The following HDDC2 variants were observed in gnomAD, a reference collection of about 807,000 sequenced individuals.
HDDC2 encodes the protein 5'-deoxynucleotidase HDDC2.
In HDDC2, 25 loss-of-function variants were observed where a neutral mutation model predicts 25.5. The ratio of observed to expected loss-of-function variants is 0.98; its 90% CI spans 0.72 to 1.37. The LOEUF (loss-of-function observed/expected upper bound fraction) is 1.37, where lower values mean the gene tolerates loss of function less well. HDDC2 is among the 40% of genes most tolerant of loss of function. The pLI, the probability that HDDC2 is intolerant of heterozygous loss-of-function variation, is 0.00. For synonymous variants in HDDC2, 106 were observed against 89.7 expected, an observed-to-expected ratio of 1.18 and a Z score of -1.03; for missense variants, 264 against 253.1, an observed-to-expected ratio of 1.04 and a Z score of -0.29.
intron 4 of HDDC2, among the ~76,000 whole-genome samples, chr6:125,280,378 C>T (rs1176163505): frequency 6.6e-6 from 1 of 152,110 alleles, no homozygotes; most frequent in East Asian, 1.9e-4. Flanking sequence ...CCTGGAATAC[C>T]AGCAAGACAC....
intron 4 of HDDC2, chr6:125,278,828 A>T (rs1798412496): frequency 6.6e-6 from 1 of 152,234 alleles, no homozygotes; most frequent in Non-Finnish European, 1.5e-5. Flanking sequence ...AGGATTTAAG[A>T]AATATTAAGG....
At chr6:125,283,742 A>G (rs1798493328) in intron 4 of HDDC2, among the ~76,000 whole-genome samples, 1 of 152,212 alleles carries the variant, frequency 6.6e-6, no homozygotes, top group African/African-American at 2.4e-5. Context: ...ATACTGCCCA[A>G]AGTAATTTAT....
chr6:125,301,061 G>C (rs1798794138), intron 1 of HDDC2, among the ~76,000 whole-genome samples: 1 of 152,104 alleles, frequency 6.6e-6, no homozygotes, highest in African/African-American at 2.4e-5. Context: ...CGAGTGATAG[G>C]CTTCCAAATT....
intron 4 of HDDC2, among the ~76,000 whole-genome samples, chr6:125,280,111 G>A (rs578167590): frequency 6.6e-6 from 1 of 152,300 alleles, no homozygotes; most frequent in African/African-American, 2.4e-5. Flanking sequence ...AGGATGAGGT[G>A]TCGCCTCACC....
At chr6:125,285,960 A>G (rs1798527944) in intron 4 of HDDC2, among the ~76,000 whole-genome samples, 1 of 152,182 alleles carries the variant, frequency 6.6e-6, no homozygotes, top group African/African-American at 2.4e-5. Context: ...GTAGAGCAAT[A>G]TAAGGATCCC....
Position 125,284,208 on chromosome 6 carries a change from C to A in HDDC2, c.379-6968G>T, listed in dbSNP as rs1337608515. 2.6e-5 allele frequency among the ~76,000 whole-genome samples: 4 copies of A among 152,122 alleles called. No individual in the cohort carries two copies. In the East Asian group the frequency reaches 7.7e-4, roughly 29 times the overall value. On this transcript the variant is annotated intron_variant, in intron 4 of 5. Coordinates refer to ENST00000398153, the MANE Select transcript of HDDC2 (RefSeq NM_016063.3). Reference sequence around the variant, plus strand: ...AACGTAAGACCTAAAACCATAAAAACCCTAGAAGAAAACCTAGGCAATACC... The same window carrying A: ...AACGTAAGACCTAAAACCATAAAAAACCTAGAAGAAAACCTAGGCAATACC...
intron 4 of HDDC2, among the ~76,000 whole-genome samples, chr6:125,282,554 T>C (rs573012600): frequency 1.3e-5 from 2 of 152,198 alleles, no homozygotes; most frequent in East Asian, 1.9e-4. Context: ...TCAGCCACTG[T>C]GAAAACAAAC....
intron 5 of HDDC2, chr6:125,276,493 G>C (rs1038940052): frequency 8.5e-6 from 4 of 469,050 alleles, no homozygotes; most frequent in Non-Finnish European, 1.5e-5. Flanking sequence ...CAATTAGGCA[G>C]AGGTAGGGGA....
intron 3 of HDDC2, among the ~76,000 whole-genome samples, chr6:125,297,037 A>G (rs1452138331): frequency 2.0e-5 from 3 of 152,200 alleles, no homozygotes; most frequent in Non-Finnish European, 2.9e-5. Flanking sequence ...TCTTCACCTT[A>G]AGGTCTTCAA....
At chr6:125,297,977 T>C (rs1798729505) in intron 3 of HDDC2, among the ~76,000 whole-genome samples, 1 of 152,228 alleles carries the variant, frequency 6.6e-6, no homozygotes, top group Non-Finnish European at 1.5e-5. Flanking sequence ...ATTTACTAAA[T>C]AATAATTACA....
At chr6:125,286,638 A>G (rs1239500020) in intron 4 of HDDC2, among the ~76,000 whole-genome samples, 1 of 152,216 alleles carries the variant, frequency 6.6e-6, no homozygotes, top group Non-Finnish European at 1.5e-5. Flanking sequence ...TATATGTGCA[A>G]TGACCATCCA....
Position 125,301,949 on chromosome 6 carries a change from G to C in HDDC2, c.-17C>G, listed in dbSNP as rs746962582. The stretch of plus-strand genomic sequence containing the variant: ...CGAAGCCATGCGGCCACCGACCCCG[G>C]CTGGGCGGAGCAGGCCGCGGCGAAG... On this transcript the variant is annotated 5_prime_UTR_variant, in exon 1 of 6. Transcript: ENST00000398153. 1.9e-6 allele frequency: 3 copies of C among 1,542,898 alleles called. No individual in the cohort carries two copies. In the African/African-American group the frequency reaches 4.1e-5, roughly 21 times the overall value.
At chr6:125,300,999 C>T (rs1453450611) in intron 1 of HDDC2, among the ~76,000 whole-genome samples, 1 of 152,036 alleles carries the variant, frequency 6.6e-6, no homozygotes, top group African/African-American at 2.4e-5. Flanking sequence ...TTTTTGCCTT[C>T]AAATAATCCT....
In HDDC2 at chr6:125,291,822, A is replaced by C. The variant is rs13197941; in HGVS notation, c.378+1019T>G. Among the ~76,000 whole-genome samples the C allele has an allele frequency of 2.0e-5, 3 of 152,266 alleles. No homozygotes were observed. In the East Asian group the frequency reaches 5.8e-4, roughly 29 times the overall value. ...TGCCTTAAAATGGCTATTTCATCCC[A>C]CCATCAACCCAAACCACAGAAAATG... On this transcript the variant is annotated intron_variant, in intron 4 of 5. Coordinates refer to ENST00000398153, the MANE Select transcript of HDDC2 (RefSeq NM_016063.3).
At chr6:125,299,421 C>G (rs1562451080) in intron 2 of HDDC2, among the ~76,000 whole-genome samples, 1 of 152,140 alleles carries the variant, frequency 6.6e-6, no homozygotes, top group African/African-American at 2.4e-5. Flanking sequence ...CTTTCATGTT[C>G]CTGACACATG....
chr6:125,280,139 T>C, intron 4 of HDDC2, among the ~76,000 whole-genome samples: 1 of 152,120 alleles, frequency 6.6e-6, no homozygotes, highest in South Asian at 2.1e-4. Flanking sequence ...CGCAAGGGGT[T>C]GGGGAACTCC....
rs116541604 is a variant in HDDC2 at position 125,287,860 on chromosome 6, C to A, written c.378+4981G>T. 5.3e-3 allele frequency among the ~76,000 whole-genome samples: 811 copies of A among 152,324 alleles called. 5 individuals carry two copies. The highest frequency in any genetic ancestry group is 0.018 in the African/African-American group (761 of 41,578). ...GAGGTTTTCAGCAGGAGAGTGGCAA[C>A]ACCTCATGCCGCCACAGTGTCAGGC... On this transcript the variant is annotated intron_variant, in intron 4 of 5. Transcript: ENST00000398153.
intron 3 of HDDC2, 160 bp downstream of exon 3, chr6:125,298,554 A>G: frequency 1.6e-6 from 1 of 621,104 alleles, no homozygotes; most frequent in South Asian, 2.0e-5. Context: ...CAGGCCCTGA[A>G]TCTCTAAAAA....
chr6:125,277,396 T>C, intron 4 of HDDC2, 156 bp from the exon 5 acceptor site: 1 of 645,202 alleles, frequency 1.5e-6, no homozygotes, highest in Non-Finnish European at 2.6e-6. Flanking sequence ...TCAGAGACAC[T>C]TCTGTAATTT....
Sources: allele counts gnomAD v4.1 joint callset (sites outside exome capture counted in the v4.1 genomes callset), GRCh38; gene constraint gnomAD v4.1.1; transcripts MANE v1.5; gene names NCBI Gene and HGNC (gene_info 2026-07-23, HGNC 2026-07-21).